Variants in STXBP5L observed in about 807,000 individuals in gnomAD.
STXBP5L encodes the protein syntaxin-binding protein 5-like.
STXBP5L carries 65 observed loss-of-function variants against 144.5 expected under a neutral mutation model. That is an observed-to-expected ratio of 0.45 (90% CI 0.37 to 0.55). STXBP5L has a LOEUF of 0.55. Among genes scored for constraint, STXBP5L ranks in the 20% least tolerant of loss-of-function variants. The pLI, the probability that STXBP5L is intolerant of heterozygous loss-of-function variation, is 0.00. For synonymous variants in STXBP5L, 505 were observed against 469.6 expected (o/e 1.08, Z -0.97); for missense variants, 1,298 against 1,405.5 (o/e 0.92, Z 1.22).
chr3:121,126,167 A>G (rs755097858), intron 7 of STXBP5L, among the ~76,000 whole-genome samples: 43 of 152,278 alleles, frequency 2.8e-4, no homozygotes, highest in Non-Finnish European at 2.2e-4. Flanking sequence ...GATAACAGTT[A>G]CTACAATTAT....
intron 5 of STXBP5L, among the ~76,000 whole-genome samples, chr3:121,097,885 C>T (rs2043210628): frequency 6.6e-6 from 1 of 152,132 alleles, no homozygotes; most frequent in African/African-American, 2.4e-5. Context: ...CTTAAGATTA[C>T]ATTTAATTTT....
At chr3:121,028,349 G>C (rs1946104947) in intron 3 of STXBP5L, among the ~76,000 whole-genome samples, 1 of 151,968 alleles carries the variant, frequency 6.6e-6, no homozygotes, top group Non-Finnish European at 1.5e-5. Flanking sequence ...ATTAGTAATG[G>C]AAAAATTAAT....
At chr3:120,953,211 T>G (rs1337838952) in intron 2 of STXBP5L, among the ~76,000 whole-genome samples, 2 of 151,996 alleles carry the variant, frequency 1.3e-5, no homozygotes, top group Non-Finnish European at 2.9e-5. Flanking sequence ...AAATATGATA[T>G]GAAATATAAA....
chr3:121,344,432 A>C (rs1284433147), intron 20 of STXBP5L, among the ~76,000 whole-genome samples: 1 of 152,024 alleles, frequency 6.6e-6, no homozygotes, highest in Non-Finnish European at 1.5e-5. Flanking sequence ...TATTAAGTGC[A>C]ACATTGGTCC....
At chr3:121,255,349 A>G (rs897586738) in intron 16 of STXBP5L, among the ~76,000 whole-genome samples, 2 of 152,094 alleles carry the variant, frequency 1.3e-5, no homozygotes, top group African/African-American at 4.8e-5. Flanking sequence ...TGTCAAAACA[A>G]GCTTAGTATT....
At position 121,125,513 on chromosome 3, in the gene STXBP5L, C is replaced by A. The variant is rs79012634; in HGVS notation, c.669+3809C>A. Among the ~76,000 whole-genome samples, 55 of 151,978 alleles carry A rather than the reference C, an allele frequency of 3.6e-4. 1 individual carries two copies. In the East Asian group the frequency reaches 8.9e-3, roughly 25 times the overall value. Reference sequence around the variant, plus strand: ...AATGTCATAGAATCAGAAAATAGGCCATCTTTCCCCCAATATATCATTTAT... The same window carrying A: ...AATGTCATAGAATCAGAAAATAGGCAATCTTTCCCCCAATATATCATTTAT... On this transcript the variant is annotated intron_variant, in intron 7 of 26. Coordinates refer to ENST00000471454, the MANE Select transcript of STXBP5L (RefSeq NM_001308330.2).
chr3:120,963,638 G>C (rs1057189941), intron 3 of STXBP5L, among the ~76,000 whole-genome samples: 2 of 152,138 alleles, frequency 1.3e-5, no homozygotes, highest in Non-Finnish European at 2.9e-5. Context: ...GATCATGGTG[G>C]ATAAGCTTTT....
At chr3:121,133,666 T>C (rs1280435404) in intron 7 of STXBP5L, among the ~76,000 whole-genome samples, 2 of 152,216 alleles carry the variant, frequency 1.3e-5, no homozygotes, top group African/African-American at 4.8e-5. Flanking sequence ...GGAAGCAAGA[T>C]AGCTGTTGTA....
intron 5 of STXBP5L, among the ~76,000 whole-genome samples, chr3:121,050,339 T>G (rs1415501751): frequency 6.6e-6 from 1 of 152,090 alleles, no homozygotes; most frequent in Non-Finnish European, 1.5e-5. Context: ...TTATTTTAGT[T>G]TAAAATAAGT....
chr3:121,207,457 GCAA>G (rs2048382055), intron 10 of STXBP5L, among the ~76,000 whole-genome samples: 1 of 152,084 alleles, frequency 6.6e-6, no homozygotes, highest in African/African-American at 2.4e-5. Context: ...AAAAGCAATG[GCAA>G]TAAAAGCCAA....
At chr3:121,082,703 T>C (rs1358323715) in intron 5 of STXBP5L, among the ~76,000 whole-genome samples, 2 of 152,190 alleles carry the variant, frequency 1.3e-5, no homozygotes, top group Non-Finnish European at 2.9e-5. Context: ...GTAATCCTGT[T>C]TTTGAGGTTT....
chr3:121,392,906 T>C (rs1221528882), intron 22 of STXBP5L, among the ~76,000 whole-genome samples: 2 of 151,226 alleles, frequency 1.3e-5, no homozygotes, highest in Non-Finnish European at 2.9e-5. Context: ...CGTGCTTGTG[T>C]CTTTTTGATA....
intron 5 of STXBP5L, among the ~76,000 whole-genome samples, chr3:121,062,003 C>A (rs1380620032): frequency 6.6e-6 from 1 of 152,126 alleles, no homozygotes; most frequent in Non-Finnish European, 1.5e-5. Flanking sequence ...TTGATCCTGT[C>A]ATTATGAAGC....
rs140614892 is a variant in STXBP5L at position 120,943,380 on chromosome 3, G to T, written c.190-11560G>T. Among the ~76,000 whole-genome samples, 676 of 151,712 alleles carry T rather than the reference G, an allele frequency of 4.5e-3. 4 individuals are homozygous for T. The highest frequency in any genetic ancestry group is 0.016 in the African/African-American group (644 of 41,498). On this transcript the variant is annotated intron_variant, in intron 2 of 26. Transcript: ENST00000471454. ...TTTTCTGTATCTGTATCTTGCCAAG[G>T]TTTATTTTGTAAGCAGTTAGAAGTT...
intron 5 of STXBP5L, among the ~76,000 whole-genome samples, chr3:121,061,489 C>T (rs758602794): frequency 2.6e-5 from 4 of 152,052 alleles, no homozygotes; most frequent in Non-Finnish European, 5.9e-5. Context: ...CTATTAGGTC[C>T]ACTTGGTTGA....
chr3:120,966,921 CAGT>C (rs1260559528), intron 3 of STXBP5L, among the ~76,000 whole-genome samples: 1 of 152,146 alleles, frequency 6.6e-6, no homozygotes, highest in Non-Finnish European at 1.5e-5. Context: ...ATTCTAGAGG[CAGT>C]AGAGCTTGTT....
chr3:121,096,413 G>A (rs1211394141), intron 5 of STXBP5L, among the ~76,000 whole-genome samples: 2 of 152,196 alleles, frequency 1.3e-5, no homozygotes, highest in Non-Finnish European at 1.5e-5. Flanking sequence ...GAGACACTGT[G>A]ATTCTTTCGT....
chr3:121,298,977 T>A (rs1039424872), intron 19 of STXBP5L, among the ~76,000 whole-genome samples: 2 of 152,186 alleles, frequency 1.3e-5, no homozygotes, highest in Non-Finnish European at 2.9e-5. Context: ...TTGGGGTTCT[T>A]CTCCTAATTA....
intron 20 of STXBP5L, among the ~76,000 whole-genome samples, chr3:121,347,878 A>G (rs141148456): frequency 0.018 from 2,722 of 152,296 alleles, 38 homozygotes; most frequent in Non-Finnish European, 0.031. Flanking sequence ...GGGGTTTTCT[A>G]GATATACAGT....
Sources: gnomAD v4.1 joint callset for allele counts (sites outside exome capture counted in the v4.1 genomes callset) on GRCh38, gnomAD v4.1.1 for gene constraint, MANE v1.5 for transcripts, NCBI Gene and HGNC (gene_info 2026-07-23, HGNC 2026-07-21) for gene names.